Variants in PHF24 observed in about 807,000 individuals in gnomAD.
PHF24 encodes the protein PHD finger protein 24.
In PHF24, 25 loss-of-function variants were observed where a neutral mutation model predicts 42.6. That is an observed-to-expected ratio of 0.59 (90% confidence interval 0.43 to 0.82). The LOEUF (loss-of-function observed/expected upper bound fraction) is 0.82. PHF24 is among the 40% of genes least tolerant of loss of function. The pLI is 0.00. For synonymous variants in PHF24, 185 were observed against 204.8 expected, an observed-to-expected ratio of 0.90 and a Z score of 0.83; for missense variants, 470 against 538.1, an observed-to-expected ratio of 0.87 and a Z score of 1.25.
the PHF24 span, among the ~76,000 whole-genome samples, chr9:34,930,902 C>T: frequency 5.3e-5 from 8 of 152,132 alleles, no homozygotes; most frequent in Non-Finnish European, 7.3e-5. Context: ...ATTTGTGTCC[C>T]GGCCCAAATC....
At chr9:34,856,322 G>A in the PHF24 span, among the ~76,000 whole-genome samples, 81 of 152,234 alleles carry the variant, frequency 5.3e-4, 1 homozygote, top group Admixed American at 4.5e-3. Flanking sequence ...TTGCTGGAGA[G>A]GTGTTGTGAT....
chr9:34,748,371 C>G, the PHF24 span, among the ~76,000 whole-genome samples: 1 of 152,096 alleles, frequency 6.6e-6, no homozygotes, highest in Non-Finnish European at 1.5e-5. Flanking sequence ...ATCATGGGGG[C>G]AGATTTCTCA....
the PHF24 span, chr9:34,729,470 C>A: frequency 6.6e-7 from 1 of 1,521,914 alleles, no homozygotes; most frequent in Non-Finnish European, 8.8e-7. Flanking sequence ...CCCTCTATCT[C>A]GGAATTCAGG....
At chr9:34,976,113 G>T in intron 3 of PHF24, 39 bp from the exon 4 acceptor site, 1 of 1,468,580 alleles carries the variant, frequency 6.8e-7, no homozygotes, top group Non-Finnish European at 9.5e-7. Flanking sequence ...TTTCTTACTG[G>T]CCTGTATGGC....
At chr9:34,936,035 C>T in the PHF24 span, among the ~76,000 whole-genome samples, 684 of 151,444 alleles carry the variant, frequency 4.5e-3, 4 homozygotes, top group Non-Finnish European at 6.3e-3. Context: ...CTCCCGCTCC[C>T]GCTCCCGCTC....
the PHF24 span, among the ~76,000 whole-genome samples, chr9:34,817,098 G>A: frequency 1.3e-5 from 2 of 152,128 alleles, no homozygotes; most frequent in African/African-American, 4.8e-5. Context: ...TAATATTTTT[G>A]TGTTGAGAAC....
the PHF24 span, among the ~76,000 whole-genome samples, chr9:34,771,811 G>A: frequency 1.3e-5 from 2 of 152,158 alleles, no homozygotes; most frequent in African/African-American, 4.8e-5. Flanking sequence ...AACCCAGAAT[G>A]ATTTGTTTTA....
chr9:34,771,856 A>T, the PHF24 span, among the ~76,000 whole-genome samples: 19,980 of 152,212 alleles, frequency 0.13, 2,106 homozygotes, highest in East Asian at 0.59. Flanking sequence ...CTCCAAGGGT[A>T]AGGTTGCGGA....
the PHF24 span, among the ~76,000 whole-genome samples, chr9:34,734,695 A>G: frequency 6.6e-6 from 1 of 152,246 alleles, no homozygotes; most frequent in Non-Finnish European, 1.5e-5. Flanking sequence ...GACCATCAGA[A>G]GTATTCCAGC....
At chr9:34,718,247 G>A in the PHF24 span, among the ~76,000 whole-genome samples, 1 of 152,166 alleles carries the variant, frequency 6.6e-6, no homozygotes, top group Middle Eastern at 3.2e-3. Flanking sequence ...GTGGAGGAGA[G>A]GGACAAGGCA....
chr9:34,670,445 C>T, the PHF24 span, among the ~76,000 whole-genome samples: 1 of 152,136 alleles, frequency 6.6e-6, no homozygotes, highest in Non-Finnish European at 1.5e-5. Flanking sequence ...AATTGCAGTC[C>T]ATGAGTTGGT....
the PHF24 span, among the ~76,000 whole-genome samples, chr9:34,781,542 T>C: frequency 2.0e-5 from 3 of 152,196 alleles, no homozygotes; most frequent in Non-Finnish European, 4.4e-5. Context: ...TTGTACAACA[T>C]TGTGAATGTA....
At chr9:34,680,213 A>G in the PHF24 span, among the ~76,000 whole-genome samples, 1 of 152,058 alleles carries the variant, frequency 6.6e-6, no homozygotes. Flanking sequence ...CATCTCTACT[A>G]AAAATACAAA....
the PHF24 span, among the ~76,000 whole-genome samples, chr9:34,780,301 T>TC: frequency 2.6e-5 from 2 of 78,026 alleles, no homozygotes; most frequent in Non-Finnish European, 6.5e-5. Context: ...TTTTTTTCTT[T>TC]TTTTTTTTTT....
the PHF24 span, among the ~76,000 whole-genome samples, chr9:34,891,158 C>T: frequency 6.6e-6 from 1 of 152,290 alleles, no homozygotes; most frequent in Non-Finnish European, 1.5e-5. Context: ...GTAACAGCAT[C>T]TGGCAAGCCC....
chr9:34,783,499 T>C, the PHF24 span, among the ~76,000 whole-genome samples: 37 of 152,248 alleles, frequency 2.4e-4, no homozygotes, highest in South Asian at 7.7e-3. Flanking sequence ...CCTTACCCTA[T>C]CCTAATTAAG....
the PHF24 span, among the ~76,000 whole-genome samples, chr9:34,779,971 C>G: frequency 1.3e-5 from 2 of 152,096 alleles, no homozygotes; most frequent in East Asian, 3.9e-4. Flanking sequence ...GGTGATCCAC[C>G]TGCCTCAGCC....
chr9:34,743,948 G>C, the PHF24 span, among the ~76,000 whole-genome samples: 10 of 152,300 alleles, frequency 6.6e-5, no homozygotes, highest in African/African-American at 1.4e-4. Context: ...ACAAAGGGAG[G>C]CACTAGGGGC....
chr9:34,701,010 G>A, the PHF24 span, among the ~76,000 whole-genome samples: 1 of 152,192 alleles, frequency 6.6e-6, no homozygotes, highest in Admixed American at 6.5e-5. The surrounding 1 kb of genome is among the most constrained non-coding windows in gnomAD (Gnocchi z 5.8). Context: ...AGAGGCATCA[G>A]CGCTACGTGC....
Sources: gnomAD v4.1 joint callset for allele counts (sites outside exome capture counted in the v4.1 genomes callset) on GRCh38, gnomAD v4.1.1 for gene constraint, Gnocchi (gnomAD v3.1) non-coding constraint, MANE v1.5 for transcripts, NCBI Gene and HGNC (gene_info 2026-07-23, HGNC 2026-07-21) for gene names.